Variants in PLXDC2 observed in about 807,000 individuals in gnomAD.
The protein encoded by PLXDC2 is plexin domain containing 2, also known as plexin domain-containing protein 2.
In PLXDC2, 40 loss-of-function variants were observed where a neutral mutation model predicts 68.9. That is an observed-to-expected ratio of 0.58 (90% CI 0.45 to 0.76). The LOEUF (loss-of-function observed/expected upper bound fraction) is 0.76. Among genes scored for constraint, PLXDC2 ranks in the 30% least tolerant of loss-of-function variants. PLXDC2 has a pLI of 0.00. For synonymous variants in PLXDC2, 243 were observed against 234.2 expected (o/e 1.04, Z -0.34); for missense variants, 644 against 661.9 (o/e 0.97, Z 0.30).
intron 1 of PLXDC2, among the ~76,000 whole-genome samples, chr10:19,908,765 A>G (rs1342906698): frequency 6.6e-6 from 1 of 151,998 alleles, no homozygotes; most frequent in African/African-American, 2.4e-5. Flanking sequence ...ATCACACAGC[A>G]GTTCTTGAGA....
At chr10:20,091,380 A>G (rs1440095320) in intron 4 of PLXDC2, among the ~76,000 whole-genome samples, 1 of 152,192 alleles carries the variant, frequency 6.6e-6, no homozygotes, top group Non-Finnish European at 1.5e-5. Context: ...ACAGTTATAC[A>G]TCTAAATCTT....
At chr10:19,986,256 A>G (rs1422124143) in intron 1 of PLXDC2, among the ~76,000 whole-genome samples, 1 of 152,182 alleles carries the variant, frequency 6.6e-6, no homozygotes, top group East Asian at 1.9e-4. Context: ...TGTATTTACA[A>G]TGAGTTTAAA....
At chr10:20,014,523 G>A (rs946550573) in intron 2 of PLXDC2, among the ~76,000 whole-genome samples, 1 of 148,450 alleles carries the variant, frequency 6.7e-6, no homozygotes, top group Non-Finnish European at 1.5e-5. Context: ...AGGTAAATCT[G>A]TTTATTTCAG....
chr10:19,924,168 TC>T (rs1833503686), intron 1 of PLXDC2, among the ~76,000 whole-genome samples: 1 of 152,220 alleles, frequency 6.6e-6, no homozygotes, highest in Admixed American at 6.5e-5. Context: ...TCAGTCAGAC[TC>T]CTGACTGGGA....
At chr10:19,897,210 T>C (rs1043582709) in intron 1 of PLXDC2, among the ~76,000 whole-genome samples, 2 of 151,732 alleles carry the variant, frequency 1.3e-5, no homozygotes, top group Non-Finnish European at 2.9e-5. Context: ...TCCATGTCTC[T>C]TCCATGATTC....
intron 1 of PLXDC2, among the ~76,000 whole-genome samples, chr10:19,948,390 C>CTTTCT (rs376624151): frequency 2.1e-5 from 3 of 144,942 alleles, no homozygotes; most frequent in Admixed American, 6.9e-5. Context: ...TTCTTTCTTT[C>CTTTCT]TTTTTTTTTT....
At chr10:20,041,847 G>C (rs1199131901) in intron 2 of PLXDC2, among the ~76,000 whole-genome samples, 3 of 152,110 alleles carry the variant, frequency 2.0e-5, no homozygotes, top group Non-Finnish European at 4.4e-5. Flanking sequence ...GAGAGAAAAA[G>C]AGAATTAAAA....
At chr10:19,938,565 C>A (rs1208765039) in intron 1 of PLXDC2, among the ~76,000 whole-genome samples, 2 of 152,108 alleles carry the variant, frequency 1.3e-5, no homozygotes, top group African/African-American at 4.8e-5. Flanking sequence ...CACTCACCAT[C>A]ATGAGAACAG....
chr10:19,897,221 C>T (rs1838072666), intron 1 of PLXDC2, among the ~76,000 whole-genome samples: 1 of 147,980 alleles, frequency 6.8e-6, no homozygotes. Flanking sequence ...TCCATGATTC[C>T]CTTCTCTTTT....
intron 2 of PLXDC2, among the ~76,000 whole-genome samples, chr10:20,010,681 A>G (rs1835098004): frequency 6.6e-6 from 1 of 152,232 alleles, no homozygotes; most frequent in Non-Finnish European, 1.5e-5. Flanking sequence ...TATTAACTGC[A>G]TTAGTCATAT....
At chr10:20,174,921 T>G (rs1209351742) in intron 7 of PLXDC2, among the ~76,000 whole-genome samples, 3 of 152,104 alleles carry the variant, frequency 2.0e-5, no homozygotes. Context: ...AAAAGGTAAC[T>G]CACTATCATC....
chr10:20,255,485 TC>T (rs1835731611), intron 13 of PLXDC2, among the ~76,000 whole-genome samples: 1 of 152,152 alleles, frequency 6.6e-6, no homozygotes, highest in Non-Finnish European at 1.5e-5. Flanking sequence ...CTTAAGCCTT[TC>T]TATTGTGAAA....
chr10:19,836,501 T>C (rs1359236723), intron 1 of PLXDC2, among the ~76,000 whole-genome samples: 2 of 152,176 alleles, frequency 1.3e-5, no homozygotes, highest in African/African-American at 4.8e-5. Context: ...TTAGATGATA[T>C]CACGTTTTAT....
chr10:19,969,282 A>G lies in PLXDC2; in HGVS notation c.113-32493A>G, dbSNP rs536433126. 2.6e-5 allele frequency among the ~76,000 whole-genome samples: 4 copies of G among 152,294 alleles called. No individual in the cohort carries two copies. In the South Asian group the frequency reaches 8.3e-4, roughly 32 times the overall value. ...ATAACCGACCCTTAAGGGGAAATCA[A>G]ATACATATGTACTCGGTTTCTGTTC... On this transcript the variant is annotated intron_variant, in intron 1 of 13. Coordinates refer to ENST00000377252, the MANE Select transcript of PLXDC2 (RefSeq NM_032812.9).
chr10:20,186,414 C>A (rs1297800259), intron 9 of PLXDC2, among the ~76,000 whole-genome samples: 1 of 151,854 alleles, frequency 6.6e-6, no homozygotes, highest in East Asian at 1.9e-4. Context: ...TATTCTTTTT[C>A]TCTTTAACTT....
intron 1 of PLXDC2, among the ~76,000 whole-genome samples, chr10:19,999,597 T>C (rs574339551): frequency 6.6e-6 from 1 of 152,210 alleles, no homozygotes; most frequent in South Asian, 2.1e-4. Flanking sequence ...ACATGACTCT[T>C]TGTGTTTGCA....
chr10:20,203,093 G>A (rs7901074), intron 9 of PLXDC2, among the ~76,000 whole-genome samples: 70,704 of 151,688 alleles, frequency 0.47, 16,653 homozygotes, highest in Middle Eastern at 0.55. Flanking sequence ...ACTCTTTCCT[G>A]TCCTACAGAC....
intron 7 of PLXDC2, among the ~76,000 whole-genome samples, chr10:20,173,306 C>G (rs1490685616): frequency 6.6e-6 from 1 of 152,118 alleles, no homozygotes; most frequent in Non-Finnish European, 1.5e-5. Flanking sequence ...ACAATTCAGA[C>G]AAAATATAAT....
At chr10:19,867,631 A>C (rs1837446435) in intron 1 of PLXDC2, among the ~76,000 whole-genome samples, 1 of 152,000 alleles carries the variant, frequency 6.6e-6, no homozygotes, top group Non-Finnish European at 1.5e-5. Flanking sequence ...TTTTTCCTTT[A>C]TTTCCATGCT....
Sources: allele counts gnomAD v4.1 joint callset (sites outside exome capture counted in the v4.1 genomes callset), GRCh38; gene constraint gnomAD v4.1.1; transcripts MANE v1.5; gene names NCBI Gene and HGNC (gene_info 2026-07-23, HGNC 2026-07-21).